Variants in VAV2 observed in about 807,000 individuals in gnomAD.
The protein encoded by VAV2 is vav guanine nucleotide exchange factor 2.
A neutral mutation model predicts 132.5 loss-of-function variants in VAV2; 67 were observed. The ratio of observed to expected loss-of-function variants is 0.51; its 90% CI spans 0.42 to 0.62. The LOEUF (loss-of-function observed/expected upper bound fraction) is 0.62, where lower values mean the gene tolerates loss of function less well. VAV2 is among the 20% of genes least tolerant of loss of function. The pLI is 0.00. For synonymous variants in VAV2, 492 were observed against 443.5 expected, an observed-to-expected ratio of 1.11 and a Z score of -1.37; for missense variants, 938 against 1,153.6, an observed-to-expected ratio of 0.81 and a Z score of 2.71.
chr9:133,777,511 A>G, intron 22 of VAV2, 48 bp from the exon 23 acceptor site: 1 of 1,582,816 alleles, frequency 6.3e-7, no homozygotes, highest in Non-Finnish European at 8.7e-7. Flanking sequence ...AGCCTGGCCT[A>G]TGGGAGTGTG....
intron 22 of VAV2, 132 bp from the exon 23 acceptor site, chr9:133,777,595 A>C (rs1588161010): frequency 1.2e-6 from 1 of 841,850 alleles, no homozygotes; most frequent in Non-Finnish European, 1.9e-6. Context: ...TTCTTTCCCA[A>C]CCTCAGCTGA....
chr9:133,853,689 T>A (rs533030900), intron 3 of VAV2, among the ~76,000 whole-genome samples: 24 of 152,120 alleles, frequency 1.6e-4, no homozygotes, highest in African/African-American at 5.8e-4. Flanking sequence ...GGCTGCCACA[T>A]CAGCATTGGC....
At chr9:133,945,121 G>A (rs1465007499) in intron 1 of VAV2, among the ~76,000 whole-genome samples, 1 of 152,250 alleles carries the variant, frequency 6.6e-6, no homozygotes, top group Non-Finnish European at 1.5e-5. Flanking sequence ...AAGGTCACTA[G>A]CAAGGATGTA....
chr9:133,780,790 G>A (rs375788264), intron 19 of VAV2, 80 bp from the exon 20 acceptor site: 232 of 1,246,078 alleles, frequency 1.9e-4, no homozygotes, highest in Non-Finnish European at 2.3e-4. Context: ...ACACCGCCCC[G>A]AGCCTCTGGG....
intron 2 of VAV2, among the ~76,000 whole-genome samples, chr9:133,905,363 G>A (rs1240861788): frequency 6.7e-6 from 1 of 149,204 alleles, no homozygotes; most frequent in African/African-American, 2.5e-5. Context: ...GTGAACCCAG[G>A]AGGCAGAGCT....
At chr9:133,937,641 G>A (rs140901102) in intron 2 of VAV2, among the ~76,000 whole-genome samples, 403 of 152,238 alleles carry the variant, frequency 2.6e-3, no homozygotes, top group Non-Finnish European at 5.0e-3. Context: ...TCTGCTGCTT[G>A]CAGGGAAGGA....
At chr9:133,888,489 A>T (rs1295584315) in intron 2 of VAV2, among the ~76,000 whole-genome samples, 1 of 152,184 alleles carries the variant, frequency 6.6e-6, no homozygotes. Flanking sequence ...AGGCAGGCCC[A>T]GACATGTCTG....
At chr9:133,888,421 A>G (rs973862835) in intron 2 of VAV2, among the ~76,000 whole-genome samples, 4 of 152,228 alleles carry the variant, frequency 2.6e-5, no homozygotes, top group African/African-American at 7.2e-5. Context: ...TGTGGGGGCC[A>G]CGCACACCTG....
At chr9:133,848,805 G>A (rs1837053899) in intron 3 of VAV2, among the ~76,000 whole-genome samples, 1 of 152,208 alleles carries the variant, frequency 6.6e-6, no homozygotes, top group South Asian at 2.1e-4. Context: ...CCCATCCCAT[G>A]GCAGCCTGGC....
In VAV2 at chr9:133,936,139, C is replaced by T. The variant is rs547988235; in HGVS notation, c.321+2964G>A. On this transcript the variant is annotated intron_variant, in intron 2 of 29. Transcript: ENST00000371850. ...AGAAGCTGAGTCACTTGGGCGAGGC[C>T]GCACCCTGGGATGGCAGGGCTGGGA... Among the ~76,000 whole-genome samples, 5 of 152,192 alleles carry T rather than the reference C, an allele frequency of 3.3e-5. No individual in the cohort carries two copies. The East Asian group carries it at 5.8e-4, about 18-fold the overall frequency.
At chr9:133,822,806 A>C (rs1420828838) in intron 4 of VAV2, among the ~76,000 whole-genome samples, 1 of 144,596 alleles carries the variant, frequency 6.9e-6, no homozygotes, top group Non-Finnish European at 1.5e-5. Flanking sequence ...GGAACCAAAA[A>C]AGAACAGCCC....
chr9:133,874,482 A>G (rs1454999892), intron 2 of VAV2, among the ~76,000 whole-genome samples: 3 of 152,144 alleles, frequency 2.0e-5, no homozygotes, highest in Non-Finnish European at 4.4e-5. Context: ...CTTTAATCAG[A>G]GGCAAGGCCG....
chr9:133,812,087 G>A lies in VAV2; in HGVS notation c.552+27C>T, dbSNP rs777641046. 12 of 1,607,080 alleles carry A rather than the reference G, an allele frequency of 7.5e-6. No individual in the cohort carries two copies. The Middle Eastern group carries it at 6.6e-4, about 88-fold the overall frequency. ...TGCTCTGCGAGGGAAGGGAGGGGAA[G>A]GGAGGGAGGAGCGGGGCAGGGCTCA... On this transcript the variant is annotated intron_variant, in intron 5 of 29. Coordinates refer to ENST00000371850, the MANE Select transcript of VAV2 (RefSeq NM_001134398.2).
chr9:133,812,588 A>G (rs1835401873), intron 4 of VAV2, among the ~76,000 whole-genome samples: 1 of 151,740 alleles, frequency 6.6e-6, no homozygotes, highest in South Asian at 2.1e-4. Context: ...AGGAGCCCCC[A>G]GCTCCTGCCT....
At chr9:133,764,600 A>G (rs1434755225) in intron 29 of VAV2, among the ~76,000 whole-genome samples, 1 of 152,260 alleles carries the variant, frequency 6.6e-6, no homozygotes, top group Non-Finnish European at 1.5e-5. Flanking sequence ...TAGAAATCCT[A>G]GAACTGAAAC....
At chr9:133,782,695 C>A (rs650830) in intron 19 of VAV2, among the ~76,000 whole-genome samples, 2 of 152,094 alleles carry the variant, frequency 1.3e-5, no homozygotes, top group African/African-American at 4.8e-5. Context: ...CCCAGAGACT[C>A]GGCCTGGGGC....
intron 2 of VAV2, among the ~76,000 whole-genome samples, chr9:133,871,834 G>A (rs1838067359): frequency 6.6e-6 from 1 of 152,196 alleles, no homozygotes; most frequent in African/African-American, 2.4e-5. Context: ...GCTCCTAACA[G>A]TAAGGTACCT....
chr9:133,881,213 CT>C (rs1400618923), intron 2 of VAV2, among the ~76,000 whole-genome samples: 1 of 152,266 alleles, frequency 6.6e-6, no homozygotes, highest in Non-Finnish European at 1.5e-5. Flanking sequence ...GAAAAGCTGC[CT>C]TGGAGCCATG....
intron 2 of VAV2, among the ~76,000 whole-genome samples, chr9:133,937,216 G>A (rs1840943293): frequency 1.3e-5 from 2 of 152,172 alleles, no homozygotes; most frequent in Non-Finnish European, 2.9e-5. Context: ...GTGTGAATGT[G>A]TGTGATATGT....
Sources: gnomAD v4.1 joint callset for allele counts (sites outside exome capture counted in the v4.1 genomes callset) on GRCh38, gnomAD v4.1.1 for gene constraint, MANE v1.5 for transcripts, NCBI Gene and HGNC (gene_info 2026-07-23, HGNC 2026-07-21) for gene names.